CEP350: variants seen among roughly 807,000 people sequenced by gnomAD.
CEP350 encodes centrosome-associated protein 350.
CEP350 carries 126 observed loss-of-function variants against 331.8 expected under a neutral mutation model. The observed-to-expected ratio is 0.38, with a 90% CI of 0.33 to 0.44. The LOEUF (loss-of-function observed/expected upper bound fraction) is 0.44. Ranked by LOEUF, CEP350 falls within the 20% of genes least tolerant of loss-of-function variation. The pLI, the probability that CEP350 is intolerant of heterozygous loss-of-function variation, is 1.00. For missense variants in CEP350, 3,406 were observed against 3,634.6 expected (o/e 0.94, Z 1.62); for synonymous variants, 1,200 against 1,259.5 (o/e 0.95, Z 1.00).
intron 3 of CEP350, among the ~76,000 whole-genome samples, chr1:179,988,487 T>C (rs1217134321): frequency 2.0e-5 from 3 of 152,154 alleles, no homozygotes; most frequent in Non-Finnish European, 2.9e-5. Flanking sequence ...TCCAGTACTA[T>C]GTTGAATAAC....
At chr1:180,017,390 C>T (rs1655041981) in intron 11 of CEP350, among the ~76,000 whole-genome samples, 1 of 152,168 alleles carries the variant, frequency 6.6e-6, no homozygotes, top group Admixed American at 6.5e-5. Context: ...TAAGTGTCGT[C>T]TCTGGAGAGG....
At chr1:180,097,653 TGCATCAATATA>T (rs1453968568) in intron 36 of CEP350, among the ~76,000 whole-genome samples, 1 of 152,180 alleles carries the variant, frequency 6.6e-6, no homozygotes, top group Non-Finnish European at 1.5e-5. Flanking sequence ...TCAAACTACA[TGCATCAATATA>T]GCATACAATA....
intron 28 of CEP350, among the ~76,000 whole-genome samples, chr1:180,075,655 T>C (rs1371082306): frequency 1.3e-5 from 2 of 151,016 alleles, no homozygotes; most frequent in Admixed American, 6.6e-5. Flanking sequence ...CTGGAGAAAT[T>C]AGAAAAAAAA....
At chr1:180,006,146 A>G (rs182350188) in intron 7 of CEP350, among the ~76,000 whole-genome samples, 1 of 152,298 alleles carries the variant, frequency 6.6e-6, no homozygotes, top group African/African-American at 2.4e-5. Flanking sequence ...ATAAAATGCA[A>G]TGATCCTGAC....
intron 22 of CEP350, among the ~76,000 whole-genome samples, chr1:180,051,576 CTG>C (rs1012543703): frequency 2.6e-5 from 4 of 152,212 alleles, no homozygotes; most frequent in African/African-American, 7.2e-5. Flanking sequence ...AACCTTGAAA[CTG>C]TGTATCACAA....
rs141199243 is a variant in CEP350 at position 180,107,434 on chromosome 1, C to T, written c.9190-3563C>T. On this transcript the variant is annotated intron_variant, in intron 37 of 37. Transcript: ENST00000367607. ...ACCTAATCCTAGCACTTTGGGAGGC[C>T]GGGGCAGATGGATCACCTGAGGTCA... Among the ~76,000 whole-genome samples, 987 of 152,232 alleles carry T rather than the reference C, an allele frequency of 6.5e-3. 4 individuals carry two copies. The highest frequency in any genetic ancestry group is 9.3e-3 in the South Asian group (45 of 4,822).
intron 1 of CEP350, among the ~76,000 whole-genome samples, chr1:179,982,876 C>T (rs951312227): frequency 4.7e-4 from 72 of 151,892 alleles, no homozygotes; most frequent in African/African-American, 1.7e-3. Context: ...CTGCAACCTC[C>T]GACTCCCTGG....
intron 21 of CEP350, among the ~76,000 whole-genome samples, chr1:180,047,774 A>AAG (rs1553259418): frequency 3.5e-3 from 522 of 149,686 alleles, no homozygotes; most frequent in African/African-American, 0.012. Flanking sequence ...AAAAAAAAAA[A>AAG]AAAAGAAAAG....
chr1:180,052,198 ATTCT>A (rs759183170), intron 22 of CEP350: 27 of 453,468 alleles, frequency 6.0e-5, no homozygotes, highest in Middle Eastern at 1.3e-3. Context: ...GTGCCTACAA[ATTCT>A]TTCTTTCTTT....
Position 179,996,728 on chromosome 1 carries a change from G to T in CEP350, c.571G>T (p.Asp191Tyr), listed in dbSNP as rs1336843111. ...FESSQSSVIN[D>Y]TVVRFLNDRP... ...GAGCTCCCAATCATCTGTCATCAAT[G>T]ATACAGTTGTTAGGTTTTTAAATGA... Residue 191 changes from aspartate (D) to tyrosine (Y), a missense_variant, in exon 6 of 38, where the codon GAT becomes TAT. Physicochemically the swap from Asp to Tyr is radical, Grantham distance 160. Transcript: ENST00000367607. The T allele has an allele frequency of 6.2e-7, 1 of 1,613,540 alleles. No individual in the cohort carries two copies. Among genetic ancestry groups the T allele is most frequent in the Non-Finnish European group, 8.5e-7 (1 of 1,179,648 alleles).
In CEP350 at chr1:180,113,750, C is replaced by A. The variant is rs556476069; in HGVS notation, c.*2589C>A. On this transcript the variant is annotated 3_prime_UTR_variant, in exon 38 of 38. Transcript: ENST00000367607. ...TCAAGAACCTAAATATTCCCTCTTT[C>A]TAATCTTTGTTCCTTCTCCCTACAC... 1 of 152,336 alleles carries A rather than the reference C, an allele frequency of 6.6e-6. No individual in the cohort carries two copies. The highest frequency in any genetic ancestry group is 6.5e-5 in the Admixed American group (1 of 15,270). 9.4% of individuals were successfully genotyped at this position (152,336 alleles called of 1,614,324 possible).
intron 23 of CEP350, 143 bp from the exon 24 acceptor site, chr1:180,053,607 T>G: frequency 2.0e-6 from 1 of 497,258 alleles, no homozygotes. Flanking sequence ...CTGCCTCATG[T>G]GCCTTTTTAA....
chr1:180,060,885 AT>A (rs1658189214), intron 25 of CEP350, among the ~76,000 whole-genome samples: 1 of 152,160 alleles, frequency 6.6e-6, no homozygotes, highest in South Asian at 2.1e-4. Flanking sequence ...TATTTTTAGA[AT>A]AATTTAAAAA....
chr1:179,962,189 A>G (rs1650682879), intron 1 of CEP350, among the ~76,000 whole-genome samples: 1 of 151,888 alleles, frequency 6.6e-6, no homozygotes, highest in South Asian at 2.1e-4. Context: ...TTTCATCTTT[A>G]TGTCTATATT....
chr1:179,968,301 C>T (rs1046299452), intron 1 of CEP350, among the ~76,000 whole-genome samples: 2 of 149,596 alleles, frequency 1.3e-5, no homozygotes, highest in South Asian at 2.1e-4. Flanking sequence ...ACTGCACTCC[C>T]GCCTGGATGA....
At chr1:180,083,464 AAGAG>A (rs1233831403) in intron 30 of CEP350, among the ~76,000 whole-genome samples, 2 of 152,234 alleles carry the variant, frequency 1.3e-5, no homozygotes, top group Non-Finnish European at 2.9e-5. Context: ...AGAGCTTTCA[AAGAG>A]AGATTACAGC....
chr1:179,995,404 C>T (rs1653389988), intron 5 of CEP350, among the ~76,000 whole-genome samples: 1 of 152,096 alleles, frequency 6.6e-6, no homozygotes, highest in African/African-American at 2.4e-5. Context: ...AGTTCAAGAC[C>T]AGCCTGGCCA....
chr1:180,044,007 A>G, intron 20 of CEP350, 44 bp from the exon 21 acceptor site: 1 of 1,474,694 alleles, frequency 6.8e-7, no homozygotes, highest in Admixed American at 2.5e-5. Flanking sequence ...TCTTTCTGTT[A>G]TTAGAGACTT....
At chr1:180,067,228 C>G (rs1389173535) in intron 27 of CEP350, among the ~76,000 whole-genome samples, 2 of 152,114 alleles carry the variant, frequency 1.3e-5, no homozygotes, top group African/African-American at 4.8e-5. Context: ...ATTCCTCTAC[C>G]TTTCCTTGAC....
Sources: allele counts gnomAD v4.1 joint callset (sites outside exome capture counted in the v4.1 genomes callset), GRCh38; gene constraint gnomAD v4.1.1; transcripts MANE v1.5; gene names NCBI Gene and HGNC (gene_info 2026-07-23, HGNC 2026-07-21).